The following GNB1 variants were observed in gnomAD, a reference collection of about 807,000 sequenced individuals.
GNB1 encodes the protein G protein subunit beta 1.
Under a neutral mutation model 42.9 loss-of-function variants are expected in GNB1, and 2 were observed. That is an observed-to-expected ratio of 0.05 (90% CI 0.02 to 0.15). The LOEUF (loss-of-function observed/expected upper bound fraction) is 0.15, where lower values mean the gene tolerates loss of function less well. GNB1 is among the 10% of genes least tolerant of loss of function. The probability of loss-of-function intolerance (pLI) is 1.00; values close to 1 mark genes in which losing one functional copy is unlikely to be tolerated. For missense variants in GNB1, 193 were observed against 462.2 expected (o/e 0.42, Z 5.34); for synonymous variants, 183 against 174.7 (o/e 1.05, Z -0.38).
At chr1:1,832,706 G>A (rs888354010) in intron 2 of GNB1, among the ~76,000 whole-genome samples, 7 of 152,136 alleles carry the variant, frequency 4.6e-5, no homozygotes, top group Non-Finnish European at 7.3e-5. Flanking sequence ...GCACCTCAGC[G>A]GTGCCCTCAG....
intron 2 of GNB1, among the ~76,000 whole-genome samples, chr1:1,838,573 T>G (rs1423958434): frequency 5.3e-5 from 8 of 151,382 alleles, no homozygotes; most frequent in Non-Finnish European, 1.2e-4. Context: ...GCCTCCAGAG[T>G]AGCTGGGACT....
At chr1:1,877,072 G>A (rs1378979550) in intron 1 of GNB1, among the ~76,000 whole-genome samples, 4 of 151,912 alleles carry the variant, frequency 2.6e-5, no homozygotes, top group African/African-American at 4.8e-5. Context: ...AGGCCAAGGT[G>A]GGCGGATCAC....
intron 3 of GNB1, among the ~76,000 whole-genome samples, chr1:1,818,572 A>C (rs1012761533): frequency 1.3e-5 from 2 of 152,088 alleles, no homozygotes; most frequent in Non-Finnish European, 2.9e-5. Flanking sequence ...TAAAAATTTA[A>C]GGAAAATAGG....
intron 1 of GNB1, among the ~76,000 whole-genome samples, chr1:1,860,916 T>G (rs563808215): frequency 6.6e-6 from 1 of 152,002 alleles, no homozygotes; most frequent in African/African-American, 2.4e-5. Flanking sequence ...GAGACCCGCC[T>G]GACCAACATG....
In GNB1 at chr1:1,797,456, T is replaced by G. The variant is rs376328087; in HGVS notation, c.431-4145A>C. Among the ~76,000 whole-genome samples the G allele has an allele frequency of 1.3e-3, 200 of 152,218 alleles. 1 individual carries two copies. Among genetic ancestry groups the G allele is most frequent in the African/African-American group, 4.6e-3 (190 of 41,518 alleles). ...CCTTTCCAAAATTCCTTTTTTTTTT[T>G]GAGATGGAGTCTCGCTCTGCCACCC... On this transcript the variant is annotated intron_variant, in intron 7 of 11. Transcript: ENST00000378609.
chr1:1,854,229 T>C (rs973204574), intron 1 of GNB1, among the ~76,000 whole-genome samples: 1 of 152,068 alleles, frequency 6.6e-6, no homozygotes, highest in Non-Finnish European at 1.5e-5. Flanking sequence ...TCTTAGAAGG[T>C]GGCCAGAGAA....
chr1:1,877,777 T>C (rs1027266419), intron 1 of GNB1, among the ~76,000 whole-genome samples: 3 of 152,114 alleles, frequency 2.0e-5, no homozygotes, highest in Non-Finnish European at 2.9e-5. Context: ...GACTGCCTGT[T>C]GGGGAGTTTA....
intron 6 of GNB1, among the ~76,000 whole-genome samples, chr1:1,805,525 T>G (rs1178392778): frequency 6.6e-6 from 1 of 152,142 alleles, no homozygotes. Flanking sequence ...CAAATGGCTA[T>G]GAACTCATCT....
At chr1:1,856,034 CTTT>C (rs1026354967) in intron 1 of GNB1, among the ~76,000 whole-genome samples, 4 of 152,148 alleles carry the variant, frequency 2.6e-5, no homozygotes, top group Non-Finnish European at 4.4e-5. Flanking sequence ...TCTTCTTCTT[CTTT>C]AAGAGATGGC....
At chr1:1,836,548 T>C (rs1359412165) in intron 2 of GNB1, among the ~76,000 whole-genome samples, 1 of 151,824 alleles carries the variant, frequency 6.6e-6, no homozygotes, top group Non-Finnish European at 1.5e-5. Flanking sequence ...CACAACACGA[T>C]GCCTGGCTAA....
At chr1:1,864,083 G>C (rs1648780297) in intron 1 of GNB1, among the ~76,000 whole-genome samples, 1 of 152,004 alleles carries the variant, frequency 6.6e-6, no homozygotes, top group Non-Finnish European at 1.5e-5. Flanking sequence ...AGCACTTTGG[G>C]AGGCTGAGGC....
chr1:1,875,478 C>A (rs879461772), intron 1 of GNB1, among the ~76,000 whole-genome samples: 3 of 152,138 alleles, frequency 2.0e-5, no homozygotes, highest in Non-Finnish European at 2.9e-5. Context: ...CAGGTGTGAG[C>A]CATCACACCT....
At chr1:1,817,535 G>A (rs2100883516) in intron 4 of GNB1, among the ~76,000 whole-genome samples, 1 of 152,346 alleles carries the variant, frequency 6.6e-6, no homozygotes, top group South Asian at 2.1e-4. Flanking sequence ...TAGAAGTTCT[G>A]AGGCAGATTC....
At chr1:1,812,145 G>T (rs1408069676) in intron 5 of GNB1, among the ~76,000 whole-genome samples, 1 of 151,972 alleles carries the variant, frequency 6.6e-6, no homozygotes, top group African/African-American at 2.4e-5. Flanking sequence ...ATTTGTTTAT[G>T]AAGGCAGGAA....
chr1:1,821,156 C>T (rs1034367143), intron 3 of GNB1, among the ~76,000 whole-genome samples: 2 of 152,184 alleles, frequency 1.3e-5, no homozygotes, highest in Non-Finnish European at 2.9e-5. Context: ...AAAGCCTGGG[C>T]CCTGCTCAGC....
Position 1,785,816 on chromosome 1 carries a change from A to C in GNB1, c.*1247T>G, listed in dbSNP as rs932268732. On this transcript the variant is annotated 3_prime_UTR_variant, in exon 12 of 12. Coordinates refer to ENST00000378609, the MANE Select transcript of GNB1 (RefSeq NM_002074.5). ...TTTGCAACAGAACTTTTTTTTTTTTAAAGAAATAAAGAAAACAGTGACTTA... is the reference window on the plus strand; with the variant it reads ...TTTGCAACAGAACTTTTTTTTTTTTCAAGAAATAAAGAAAACAGTGACTTA... 2 of 304,894 alleles carry C rather than the reference A, an allele frequency of 6.6e-6. No homozygotes were observed. The highest frequency in any genetic ancestry group is 1.2e-5 in the Non-Finnish European group (2 of 167,660). The allele number at this position is 304,894 out of a possible 1,614,324, so 18.9% of individuals were successfully genotyped here. A position where few individuals can be genotyped will look rare whatever the true frequency, so the allele number is the denominator to read the frequency against.
chr1:1,843,970 C>T (rs956629181), intron 1 of GNB1, among the ~76,000 whole-genome samples: 3 of 151,600 alleles, frequency 2.0e-5, no homozygotes, highest in African/African-American at 4.9e-5. Context: ...CCGAGGCGGG[C>T]GGATCACGAG....
chr1:1,841,655 G>A (rs1647246915), intron 1 of GNB1, among the ~76,000 whole-genome samples: 1 of 152,152 alleles, frequency 6.6e-6, no homozygotes, highest in South Asian at 2.1e-4. Flanking sequence ...TCAACAAACT[G>A]AAATATCTCC....
intron 5 of GNB1, among the ~76,000 whole-genome samples, chr1:1,813,813 A>T (rs1402959947): frequency 6.6e-6 from 1 of 152,182 alleles, no homozygotes; most frequent in Non-Finnish European, 1.5e-5. Context: ...TGAATATTTA[A>T]AAGAATTTTT....
Sources: gnomAD v4.1 joint callset for allele counts (sites outside exome capture counted in the v4.1 genomes callset) on GRCh38, gnomAD v4.1.1 for gene constraint, MANE v1.5 for transcripts, NCBI Gene and HGNC (gene_info 2026-07-23, HGNC 2026-07-21) for gene names.